Variants in KAZN observed in about 807,000 individuals in gnomAD.
KAZN encodes kazrin.
Under a neutral mutation model 87.4 loss-of-function variants are expected in KAZN, and 40 were observed. The observed-to-expected ratio is 0.46, with a 90% confidence interval of 0.36 to 0.60. The LOEUF is 0.60. Ranked by LOEUF, KAZN falls within the 20% of genes least tolerant of loss-of-function variation. The pLI, the probability that KAZN is intolerant of heterozygous loss-of-function variation, is 0.00. For synonymous variants in KAZN, 466 were observed against 458.3 expected (o/e 1.02, Z -0.22); for missense variants, 898 against 1,073.9 (o/e 0.84, Z 2.29).
chr1:14,435,664 G>A (rs1276840719), intron 2 of KAZN, among the ~76,000 whole-genome samples: 2 of 152,228 alleles, frequency 1.3e-5, no homozygotes, highest in African/African-American at 4.8e-5. Context: ...GAAGGCAGCA[G>A]TTAAGAGCCC....
At chr1:14,040,105 CAGAGAG>C (rs373788437) in intron 1 of KAZN, among the ~76,000 whole-genome samples, 1 of 150,582 alleles carries the variant, frequency 6.6e-6, no homozygotes, top group Non-Finnish European at 1.5e-5. Context: ...GAGAGAGAGA[CAGAGAG>C]AGAGAGGTTT....
At chr1:14,757,470 G>A (rs1355669215) in intron 1 of KAZN, among the ~76,000 whole-genome samples, 6 of 152,164 alleles carry the variant, frequency 3.9e-5, no homozygotes, top group Non-Finnish European at 5.9e-5. Flanking sequence ...GACCTTGGGC[G>A]ATTTAGTCAA....
chr1:13,980,594 C>T (rs1404585637), intron 1 of KAZN, among the ~76,000 whole-genome samples: 3 of 152,090 alleles, frequency 2.0e-5, no homozygotes, highest in Non-Finnish European at 2.9e-5. Flanking sequence ...TTTGCATGTG[C>T]TTACTAATAT....
chr1:15,043,879 G>C, intron 3 of KAZN, 110 bp from the exon 4 acceptor site: 1 of 1,110,916 alleles, frequency 9.0e-7, no homozygotes, highest in Non-Finnish European at 1.2e-6. Context: ...TCCTGACCTC[G>C]TGACCCCACT....
chr1:14,247,380 G>A (rs544884296), intron 2 of KAZN, among the ~76,000 whole-genome samples: 1 of 152,326 alleles, frequency 6.6e-6, no homozygotes, highest in Non-Finnish European at 1.5e-5. Flanking sequence ...CTTTGGGCTT[G>A]TGGATAAGAT....
chr1:14,520,218 T>A (rs1291659246), intron 2 of KAZN, among the ~76,000 whole-genome samples: 1 of 152,026 alleles, frequency 6.6e-6, no homozygotes, highest in Admixed American at 6.5e-5. Context: ...TACAACCCTA[T>A]GATCCATTGG....
intron 6 of KAZN, 126 bp from the exon 7 acceptor site, chr1:15,063,446 C>A: frequency 1.3e-6 from 1 of 788,658 alleles, no homozygotes; most frequent in Non-Finnish European, 2.2e-6. Flanking sequence ...CTCCCCACTG[C>A]AGAGGCAGGG....
intron 2 of KAZN, among the ~76,000 whole-genome samples, chr1:14,534,368 G>A (rs1326395567): frequency 6.6e-6 from 1 of 152,180 alleles, no homozygotes; most frequent in Non-Finnish European, 1.5e-5. Flanking sequence ...GCACTGGCTG[G>A]GTGCAATGAC....
intron 2 of KAZN, among the ~76,000 whole-genome samples, chr1:14,498,772 T>A (rs1399341951): frequency 6.6e-6 from 1 of 151,928 alleles, no homozygotes; most frequent in Non-Finnish European, 1.5e-5. Context: ...TGGGTACTTA[T>A]TCTCCTGGGT....
rs184455667 is a variant in KAZN at position 14,447,198 on chromosome 1, G to A, written c.250-151785G>A. Among the ~76,000 whole-genome samples the A allele has an allele frequency of 4.7e-3, 655 of 140,276 alleles. 6 individuals carry two copies. Among genetic ancestry groups the A allele is most frequent in the African/African-American group, 0.017 (620 of 36,888 alleles). 92.0% of individuals were successfully genotyped at this position (140,276 alleles called of 152,430 possible). A position where few individuals can be genotyped will look rare whatever the true frequency, so the allele number is the denominator to read the frequency against. On this transcript the variant is annotated intron_variant, in intron 2 of 16. Transcript: ENST00000636203. ...TTCTAGTTCTCCCTTGGAACATGGC[G>A]TTTCCACCACATTATTATTATTATT...
chr1:14,258,730 G>T (rs1650769794), intron 2 of KAZN, among the ~76,000 whole-genome samples: 1 of 152,158 alleles, frequency 6.6e-6, no homozygotes, highest in African/African-American at 2.4e-5. Flanking sequence ...TTAAGTCCCA[G>T]CTCTGCCTGC....
At chr1:15,108,410 C>G (rs1266170423) in intron 13 of KAZN, among the ~76,000 whole-genome samples, 3 of 152,204 alleles carry the variant, frequency 2.0e-5, no homozygotes, top group African/African-American at 7.2e-5. Flanking sequence ...CTGGCTCCTC[C>G]GCCATCATCG....
intron 2 of KAZN, among the ~76,000 whole-genome samples, chr1:14,385,378 T>A (rs1018222146): frequency 6.6e-6 from 1 of 152,172 alleles, no homozygotes; most frequent in Non-Finnish European, 1.5e-5. Context: ...TTGCTCTTGC[T>A]TTTCTAGTTC....
chr1:14,616,016 C>A (rs1046117520), intron 1 of KAZN, among the ~76,000 whole-genome samples: 1 of 152,146 alleles, frequency 6.6e-6, no homozygotes, highest in African/African-American at 2.4e-5. Flanking sequence ...GCAGGAGAGA[C>A]ACTTGAAAGC....
chr1:13,940,456 TTTATC>T (rs1274461621), intron 1 of KAZN, among the ~76,000 whole-genome samples: 1 of 152,250 alleles, frequency 6.6e-6, no homozygotes, highest in Non-Finnish European at 1.5e-5. Context: ...CTGATGATCT[TTTATC>T]TTTCTGTGGT....
rs742663 is a variant in KAZN at position 15,055,644 on chromosome 1, A to G, written c.727-447A>G. On this transcript the variant is annotated intron_variant, in intron 4 of 14. Coordinates refer to ENST00000376030, the MANE Select transcript of KAZN (RefSeq NM_201628.3). Reference sequence around the variant, plus strand: ...AAACTTCACTTCTTCTACTTGTTGTATGACCTTGAGCAAATTACTCCACCA... The same window carrying G: ...AAACTTCACTTCTTCTACTTGTTGTGTGACCTTGAGCAAATTACTCCACCA... 9.2e-3 allele frequency among the ~76,000 whole-genome samples: 1,399 copies of G among 152,310 alleles called. 19 individuals are homozygous for G. The highest frequency in any genetic ancestry group is 0.042 in the South Asian group (204 of 4,826).
At chr1:14,063,842 A>G (rs113385899) in intron 1 of KAZN, among the ~76,000 whole-genome samples, 8,200 of 152,232 alleles carry the variant, frequency 0.054, 631 homozygotes, top group African/African-American at 0.17. Context: ...GTTCCGCGGC[A>G]TAGGCTCTCT....
chr1:14,577,162 T>C (rs1302218055), intron 2 of KAZN, among the ~76,000 whole-genome samples: 1 of 152,202 alleles, frequency 6.6e-6, no homozygotes, highest in East Asian at 1.9e-4. Flanking sequence ...CCCCCTTTAA[T>C]CAGTAAGAAT....
intron 2 of KAZN, among the ~76,000 whole-genome samples, chr1:14,527,383 T>A (rs776470747): frequency 1.3e-5 from 2 of 152,080 alleles, no homozygotes; most frequent in Non-Finnish European, 2.9e-5. Flanking sequence ...ACCCCGTCTC[T>A]ACTAAAAATG....
Sources: allele counts gnomAD v4.1 joint callset (sites outside exome capture counted in the v4.1 genomes callset), GRCh38; gene constraint gnomAD v4.1.1; transcripts MANE v1.5; gene names NCBI Gene and HGNC (gene_info 2026-07-23, HGNC 2026-07-21).